GPR153: variants seen among roughly 807,000 people sequenced by gnomAD.
The protein encoded by GPR153 is probable G protein-coupled receptor 153.
Under a neutral mutation model 34.1 loss-of-function variants are expected in GPR153, and 27 were observed. The ratio of observed to expected loss-of-function variants is 0.79; its 90% confidence interval spans 0.58 to 1.09. GPR153 has a LOEUF of 1.09. Among genes scored for constraint, GPR153 ranks in the 50% least tolerant of loss-of-function variants. The pLI is 0.00. For missense variants in GPR153, 848 were observed against 860.2 expected (o/e 0.99, Z 0.18); for synonymous variants, 408 against 405.4 (o/e 1.01, Z -0.08).
chr1:6,249,349 A>G lies in GPR153; in HGVS notation c.1819T>C (p.Ser607Pro). ...AGGCGCCGGCGGTCCTAGGACGCGG[A>G]GCCCAGCGAGTCCGAGTGCAGCGTG... The part of the protein sequence containing the change: ...YATLHSDSLG[S>P]AS The change falls in exon 6 of 6, where the codon TCC becomes CCC. Residue 607 changes from serine (S) to proline (P), a missense_variant. By Grantham distance (74) the Ser-to-Pro change is moderately conservative (BLOSUM62 -1). Coordinates refer to ENST00000377893, the MANE Select transcript of GPR153 (RefSeq NM_207370.4). This position sits in a 1 kb window ranked among gnomAD's most constrained non-coding sequence, Gnocchi z 4.3. 1 of 1,311,928 alleles carries G rather than the reference A, an allele frequency of 7.6e-7. No individual in the cohort carries two copies. The highest frequency in any genetic ancestry group is 9.7e-7 in the Non-Finnish European group (1 of 1,032,388). 81.3% of individuals were successfully genotyped at this position (1,311,928 alleles called of 1,614,324 possible).
At position 6,254,631 on chromosome 1, in the gene GPR153, G is replaced by T; in HGVS notation, c.275C>A (p.Thr92Asn). 26 of 1,613,324 alleles carry T rather than the reference G, an allele frequency of 1.6e-5. No individual in the cohort carries two copies. Among genetic ancestry groups the T allele is most frequent in the Non-Finnish European group, 2.2e-5 (26 of 1,179,538 alleles). Residue 92 changes from threonine (T) to asparagine (N), a missense_variant, in exon 2 of 6, where the codon ACC becomes AAC. Transcript: ENST00000377893. ...AGAGAAACAGGTGGCCAGGGTGAGG[G>T]TGTAGAAGGTGGACACGAAGACCTT... ...LCKVFVSTFY[T>N]LTLATCFSVT...
intron 3 of GPR153, among the ~76,000 whole-genome samples, chr1:6,253,369 C>T (rs553309861): frequency 8.2e-4 from 125 of 152,258 alleles, no homozygotes; most frequent in South Asian, 7.3e-3. Flanking sequence ...GCACATCCAG[C>T]CTGGGCAACA....
chr1:6,255,497 TG>T (rs968224281), intron 1 of GPR153, among the ~76,000 whole-genome samples: 1 of 150,052 alleles, frequency 6.7e-6, no homozygotes, highest in Non-Finnish European at 1.5e-5. Flanking sequence ...TTTTTAGAAA[TG>T]GGGTCTTGAT....
rs1638381285 is a variant in GPR153 at position 6,249,434 on chromosome 1, C to G, written c.1734G>C (p.Ala578=). ...AGCTGCTGGTGCTGCCGCCGCCGCC[C>G]GCCGCGCGCAGCCCCCCGGGCTCGC... The part of the protein sequence containing the change: ...SWGEPGGLRA[A]GGGGSTSSFL... Residue 578 remains alanine, a synonymous_variant, in exon 6 of 6, where the codon GCG becomes GCC. Transcript: ENST00000377893. This position sits in a 1 kb window ranked among gnomAD's most constrained non-coding sequence, Gnocchi z 4.3. The G allele has an allele frequency of 1.5e-6, 2 of 1,365,872 alleles. No individual in the cohort carries two copies. The highest frequency in any genetic ancestry group is 1.9e-6 in the Non-Finnish European group (2 of 1,063,610). The allele number at this position is 1,365,872 out of a possible 1,614,324, so 84.6% of individuals were successfully genotyped here. A position where few individuals can be genotyped will look rare whatever the true frequency, so the allele number is the denominator to read the frequency against.
chr1:6,253,357 T>C (rs760552841), intron 3 of GPR153, among the ~76,000 whole-genome samples: 1 of 152,132 alleles, frequency 6.6e-6, no homozygotes, highest in Non-Finnish European at 1.5e-5. Flanking sequence ...GATTGTGCCA[T>C]TGCACATCCA....
chr1:6,258,890 C>A (rs928334938), intron 1 of GPR153, among the ~76,000 whole-genome samples: 5 of 152,240 alleles, frequency 3.3e-5, no homozygotes, highest in African/African-American at 1.2e-4. Context: ...GAGCCACAGG[C>A]TGCAACCAGC....
chr1:6,253,855 TGGTG>T lies in GPR153; in HGVS notation c.645_648del (p.Thr216SerfsTer30), dbSNP rs1324463760. 1 of 1,605,728 alleles carries T rather than the reference TGGTG, an allele frequency of 6.2e-7. No homozygotes were observed. Among genetic ancestry groups the T allele is most frequent in the East Asian group, 2.2e-5 (1 of 44,630 alleles). On this transcript the variant is annotated frameshift_variant, in exon 3 of 6. Coordinates refer to ENST00000377893, the MANE Select transcript of GPR153 (RefSeq NM_207370.4). LOFTEE classifies it high-confidence loss of function. ...TTGCCCTGCGCGTCCTCCACCACGA[TGGTG>T]GGCACGGTGAAGGCGCGGCGGTCGG...
In GPR153 at chr1:6,254,636, G is replaced by A. The variant is rs752331795; in HGVS notation, c.270C>T (p.Phe90=). 6.2e-7 allele frequency: 1 copy of A among 1,613,562 alleles called. No homozygotes were observed. Among genetic ancestry groups the A allele is most frequent in the Non-Finnish European group, 8.5e-7 (1 of 1,179,666 alleles). The change falls in exon 2 of 6, where the codon TTC becomes TTT. Residue 90 remains phenylalanine, a synonymous_variant. Transcript: ENST00000377893. ...EGLCKVFVST[F]YTLTLATCFS... Reference sequence around the variant, plus strand: ...AACAGGTGGCCAGGGTGAGGGTGTAGAAGGTGGACACGAAGACCTTGCAGA... The same window carrying A: ...AACAGGTGGCCAGGGTGAGGGTGTAAAAGGTGGACACGAAGACCTTGCAGA...
At chr1:6,256,985 G>A (rs1026674041) in intron 1 of GPR153, among the ~76,000 whole-genome samples, 6 of 152,164 alleles carry the variant, frequency 3.9e-5, no homozygotes, top group Non-Finnish European at 8.8e-5. Flanking sequence ...ACACCCAGGG[G>A]CTGTATACGG....
rs1202639863 is a variant in GPR153 at position 6,247,724 on chromosome 1, G to T, written c.*1614C>A. ...AGATGGAGGAGACACTGGCTAGCTGGCGACCTCTGCCCCTACGTAACTTGT... is the reference window on the plus strand; with the variant it reads ...AGATGGAGGAGACACTGGCTAGCTGTCGACCTCTGCCCCTACGTAACTTGT... On this transcript the variant is annotated 3_prime_UTR_variant, in exon 6 of 6. Transcript: ENST00000377893. The T allele has an allele frequency of 6.6e-6, 1 of 152,284 alleles. No individual in the cohort carries two copies. Among genetic ancestry groups the T allele is most frequent in the African/African-American group, 2.4e-5 (1 of 41,466 alleles). 9.4% of individuals were successfully genotyped at this position (152,284 alleles called of 1,614,324 possible).
rs921747923 is a variant in GPR153 at position 6,248,541 on chromosome 1, C to T, written c.*797G>A. The T allele has an allele frequency of 6.6e-6, 1 of 152,412 alleles. No individual in the cohort carries two copies. The highest frequency in any genetic ancestry group is 2.4e-5 in the African/African-American group (1 of 41,400). The allele number at this position is 152,412 out of a possible 1,614,324, so 9.4% of individuals were successfully genotyped here. ...ATTGGTGGTGGTCCACAGTGTTGTG[C>T]TTAGCTGGGGTGGAGTGTGGGTTCC... is the stretch of plus-strand genomic sequence containing the variant. On this transcript the variant is annotated 3_prime_UTR_variant, in exon 6 of 6. Coordinates refer to ENST00000377893, the MANE Select transcript of GPR153 (RefSeq NM_207370.4).
chr1:6,249,728 G>T lies in GPR153; in HGVS notation c.1440C>A (p.Pro480=). 2.9e-6 allele frequency: 3 copies of T among 1,051,596 alleles called. No homozygotes were observed. Among genetic ancestry groups the T allele is most frequent in the Non-Finnish European group, 3.4e-6 (3 of 874,792 alleles). The allele number at this position is 1,051,596 out of a possible 1,614,324, so 65.1% of individuals were successfully genotyped here. The change falls in exon 6 of 6, where the codon CCC becomes CCA. Residue 480 remains proline, a synonymous_variant. Coordinates refer to ENST00000377893, the MANE Select transcript of GPR153 (RefSeq NM_207370.4). The surrounding 1 kb of genome is among the most constrained non-coding windows in gnomAD (Gnocchi z 4.3). ...SGPRGARDSP[P]GSPRRRPGPG... The stretch of plus-strand genomic sequence containing the variant: ...GCCCGGGGCGGCGGCGCGGGCTGCC[G>T]GGGGGCGAGTCGCGGGCTCCCCGCG...
Position 6,249,257 on chromosome 1 carries a change from G to A in GPR153, c.*81C>T, listed in dbSNP as rs1075751. Reference sequence around the variant, plus strand: ...AGGGGTGGCGCATGTCTGCGCGCGGGGCGGAGGCGGGCGTCTTTGGTGCTG... The same window carrying A: ...AGGGGTGGCGCATGTCTGCGCGCGGAGCGGAGGCGGGCGTCTTTGGTGCTG... On this transcript the variant is annotated 3_prime_UTR_variant, in exon 6 of 6. Coordinates refer to ENST00000377893, the MANE Select transcript of GPR153 (RefSeq NM_207370.4). This position sits in a 1 kb window ranked among gnomAD's most constrained non-coding sequence, Gnocchi z 4.3. 2.7e-5 allele frequency: 28 copies of A among 1,043,488 alleles called. No individual in the cohort carries two copies. Among genetic ancestry groups the A allele is most frequent in the Non-Finnish European group, 3.3e-5 (27 of 815,064 alleles). The allele number at this position is 1,043,488 out of a possible 1,614,324, so 64.6% of individuals were successfully genotyped here.
intron 1 of GPR153, among the ~76,000 whole-genome samples, chr1:6,257,927 C>T (rs1445999192): frequency 6.6e-6 from 1 of 152,250 alleles, no homozygotes; most frequent in Non-Finnish European, 1.5e-5. Flanking sequence ...CCTTCTTACC[C>T]AGGGGCCATT....
intron 3 of GPR153, among the ~76,000 whole-genome samples, chr1:6,252,076 T>C (rs78137903): frequency 0.013 from 2,030 of 152,292 alleles, 54 homozygotes; most frequent in African/African-American, 0.047. Context: ...CCCCTGCTTT[T>C]GGGTCCCTGC....
chr1:6,253,847 C>T lies in GPR153; in HGVS notation c.657G>A (p.Val219=). Residue 219 remains valine, a synonymous_variant, in exon 3 of 6, where the codon GTG becomes GTA. Transcript: ENST00000377893. ...RRAFTVPTIV[V]EDAQGKRRSS... is the part of the protein sequence containing the mutation. ...AGCGCCGCTTGCCCTGCGCGTCCTC[C>T]ACCACGATGGTGGGCACGGTGAAGG... The T allele has an allele frequency of 2.5e-6, 4 of 1,604,276 alleles. No homozygotes were observed. Among genetic ancestry groups the T allele is most frequent in the Non-Finnish European group, 3.4e-6 (4 of 1,173,320 alleles).
At chr1:6,260,197 C>A (rs1638639397) in intron 1 of GPR153, among the ~76,000 whole-genome samples, 1 of 152,160 alleles carries the variant, frequency 6.6e-6, no homozygotes, top group Non-Finnish European at 1.5e-5. Flanking sequence ...ATTCCCCGGG[C>A]TCTGGCTGCG....
chr1:6,250,188 G>A (rs1426616960), intron 5 of GPR153, 185 bp from the exon 6 acceptor site: 2 of 985,440 alleles, frequency 2.0e-6, no homozygotes, highest in African/African-American at 1.7e-5. Context: ...AGACAGCTGG[G>A]GTCGGTTGGG....
rs183219580 is a variant in GPR153 at position 6,256,799 on chromosome 1, G to A, written c.-109-1785C>T. On this transcript the variant is annotated intron_variant, in intron 1 of 5. Transcript: ENST00000377893. ...TTACAGGGCAAGTGCTCCCACACCCGGCGAGACATAAATCTGTTCTTCATG... is the reference window on the plus strand; with the variant it reads ...TTACAGGGCAAGTGCTCCCACACCCAGCGAGACATAAATCTGTTCTTCATG... Among the ~76,000 whole-genome samples, 105 of 152,286 alleles carry A rather than the reference G, an allele frequency of 6.9e-4. 1 individual carries two copies. The highest frequency in any genetic ancestry group is 2.3e-3 in the African/African-American group (96 of 41,564).
Sources: allele counts gnomAD v4.1 joint callset (sites outside exome capture counted in the v4.1 genomes callset), GRCh38; gene constraint gnomAD v4.1.1; non-coding constraint Gnocchi (gnomAD v3.1); transcripts MANE v1.5; gene names NCBI Gene and HGNC (gene_info 2026-07-23, HGNC 2026-07-21).